Variants in GXYLT2 observed in about 807,000 individuals in gnomAD.
The protein encoded by GXYLT2 is glucoside xylosyltransferase 2, also known as glycosyltransferase 8 domain containing 4.
GXYLT2 carries 53 observed loss-of-function variants against 45.8 expected under a neutral mutation model. That is an observed-to-expected ratio of 1.16 (90% CI 0.93 to 1.46). GXYLT2 has a LOEUF of 1.46. Among genes scored for constraint, GXYLT2 ranks in the 40% most tolerant of loss-of-function variants. GXYLT2 has a pLI of 0.00. For missense variants in GXYLT2, 551 were observed against 544.4 expected (o/e 1.01, Z -0.12); for synonymous variants, 219 against 214.2 (o/e 1.02, Z -0.19).
At chr3:72,893,387 T>C (rs1001274524) in intron 1 of GXYLT2, among the ~76,000 whole-genome samples, 6 of 152,240 alleles carry the variant, frequency 3.9e-5, no homozygotes, top group African/African-American at 7.2e-5. Context: ...TCCATTTTTT[T>C]CAGGACTATG....
chr3:72,917,915 T>G (rs1709769144), intron 2 of GXYLT2, among the ~76,000 whole-genome samples: 1 of 152,208 alleles, frequency 6.6e-6, no homozygotes. Context: ...TCCATTCCTT[T>G]TCTTTTCATA....
chr3:72,888,268 TGCTC>T lies in GXYLT2; in HGVS notation c.38_41del (p.Leu13ArgfsTer136). The T allele has an allele frequency of 1.0e-6, 1 of 994,892 alleles. No homozygotes were observed. Among genetic ancestry groups the T allele is most frequent in the Non-Finnish European group, 1.2e-6 (1 of 838,890 alleles). 61.6% of individuals were successfully genotyped at this position (994,892 alleles called of 1,614,324 possible). ...CGCAGCAAGGCGGCGGCGCTGCTCT[TGCTC>T]GCGCTGGCCGCGCTGCTGCTGGCGC... On this transcript the variant is annotated frameshift_variant, in exon 1 of 7. Transcript: ENST00000389617. LOFTEE classifies it high-confidence loss of function.
intron 2 of GXYLT2, among the ~76,000 whole-genome samples, chr3:72,915,354 T>TTTTTTTG (rs71126805): frequency 3.0e-5 from 1 of 33,482 alleles, no homozygotes; most frequent in Non-Finnish European, 5.1e-5. Flanking sequence ...TTTTTTTTTT[T>TTTTTTTG]GCGGGGGGGG....
intron 1 of GXYLT2, among the ~76,000 whole-genome samples, chr3:72,894,649 C>G (rs1294171123): frequency 3.9e-5 from 6 of 152,256 alleles, no homozygotes; most frequent in African/African-American, 1.4e-4. Context: ...GTCAGTCTTA[C>G]ATTCAGTGAG....
intron 3 of GXYLT2, among the ~76,000 whole-genome samples, chr3:72,951,367 G>A (rs950246891): frequency 6.6e-6 from 1 of 152,220 alleles, no homozygotes; most frequent in Non-Finnish European, 1.5e-5. Flanking sequence ...AGTGCTGTGA[G>A]CATTGATGCG....
intron 5 of GXYLT2, among the ~76,000 whole-genome samples, chr3:72,957,831 G>T (rs1268473383): frequency 6.6e-6 from 1 of 152,104 alleles, no homozygotes; most frequent in Non-Finnish European, 1.5e-5. Flanking sequence ...TGAGGCAAAA[G>T]AAATTCTTCT....
chr3:72,960,327 G>A lies in GXYLT2; in HGVS notation c.976+2975G>A, dbSNP rs558449117. ...TTGAGGAATCCAAAAGATTCACACA[G>A]TTGCCTCCCCAGTTCCTCTTAGCCT... On this transcript the variant is annotated intron_variant, in intron 5 of 6. Coordinates refer to ENST00000389617, the MANE Select transcript of GXYLT2 (RefSeq NM_001080393.2). Among the ~76,000 whole-genome samples the A allele has an allele frequency of 2.9e-4, 44 of 152,310 alleles. No individual in the cohort carries two copies. The South Asian group carries it at 7.3e-3, about 25-fold the overall frequency.
intron 2 of GXYLT2, among the ~76,000 whole-genome samples, chr3:72,915,354 T>TTGTG (rs71126805): frequency 3.0e-5 from 1 of 33,482 alleles, no homozygotes; most frequent in Non-Finnish European, 5.1e-5. Context: ...TTTTTTTTTT[T>TTGTG]GCGGGGGGGG....
intron 2 of GXYLT2, among the ~76,000 whole-genome samples, chr3:72,908,764 G>T (rs1249191817): frequency 6.6e-6 from 1 of 152,140 alleles, no homozygotes; most frequent in Non-Finnish European, 1.5e-5. Flanking sequence ...TGAGACGAGG[G>T]TCTCACTCTA....
At chr3:72,954,948 G>T in intron 3 of GXYLT2, 150 bp from the exon 4 acceptor site, 2 of 705,458 alleles carry the variant, frequency 2.8e-6, no homozygotes, top group South Asian at 3.9e-5. Flanking sequence ...AGGAATGGAA[G>T]CTAAGAGTGG....
chr3:72,914,097 G>A (rs1709685110), intron 2 of GXYLT2, among the ~76,000 whole-genome samples: 1 of 151,982 alleles, frequency 6.6e-6, no homozygotes, highest in Admixed American at 6.6e-5. Context: ...ATAACTTCTG[G>A]GAAGCTCAGG....
Position 72,955,229 on chromosome 3 carries a change from C to T in GXYLT2, c.732C>T (p.His244=), listed in dbSNP as rs372388479. 2.7e-5 allele frequency: 43 copies of T among 1,613,898 alleles called. No individual in the cohort carries two copies. In the African/African-American group the frequency reaches 3.5e-4, roughly 13 times the overall value. ...STQLAAMAPE[H]EIPKIGWYSR... is the part of the protein sequence containing the mutation. The stretch of plus-strand genomic sequence containing the variant: ...AGCTTGCAGCCATGGCCCCTGAGCA[C>T]GAAATCCCCAAGATTGGCTGGTACA... Residue 244 remains histidine (H), a synonymous_variant, in exon 4 of 7, where the codon CAC becomes CAT. Coordinates refer to ENST00000389617, the MANE Select transcript of GXYLT2 (RefSeq NM_001080393.2).
chr3:72,971,738 C>T (rs557937453), intron 6 of GXYLT2, among the ~76,000 whole-genome samples: 198 of 152,120 alleles, frequency 1.3e-3, no homozygotes, highest in Admixed American at 2.2e-3. Context: ...CACTTGAGGT[C>T]GGGAGTTCGA....
At chr3:72,942,552 T>C (rs947088008) in intron 3 of GXYLT2, among the ~76,000 whole-genome samples, 6 of 152,172 alleles carry the variant, frequency 3.9e-5, no homozygotes, top group African/African-American at 1.4e-4. Context: ...GTGGAGAATA[T>C]TGTCAGACTC....
chr3:72,937,388 T>G (rs904567366), intron 3 of GXYLT2, among the ~76,000 whole-genome samples: 10 of 152,206 alleles, frequency 6.6e-5, no homozygotes, highest in African/African-American at 2.4e-4. Flanking sequence ...AAAATATGTC[T>G]TCAGGACATA....
chr3:72,891,791 C>T (rs900933277), intron 1 of GXYLT2, among the ~76,000 whole-genome samples: 1 of 152,014 alleles, frequency 6.6e-6, no homozygotes, highest in Admixed American at 6.6e-5. Context: ...TAAACAGTAC[C>T]TTTGTTAGTA....
At chr3:72,896,973 CAT>C (rs1308888455) in intron 1 of GXYLT2, among the ~76,000 whole-genome samples, 1 of 152,038 alleles carries the variant, frequency 6.6e-6, no homozygotes, top group Non-Finnish European at 1.5e-5. Context: ...ATGGATATAA[CAT>C]ATTTAGAGAA....
At position 72,976,463 on chromosome 3, in the gene GXYLT2, CA is replaced by C. The variant is rs1711105263; in HGVS notation, c.*1307del. The stretch of plus-strand genomic sequence containing the variant: ...AACTTCAAATTTAATGTGTAAAAAA[CA>C]AATAGTTCAGCTGCTTCTATTGGTA... On this transcript the variant is annotated 3_prime_UTR_variant, in exon 7 of 7. Transcript: ENST00000389617. 2.0e-5 allele frequency: 3 copies of C among 152,150 alleles called. 1 individual carries two copies. The highest frequency in any genetic ancestry group is 1.3e-4 in the Admixed American group (2 of 15,274). 9.4% of individuals were successfully genotyped at this position (152,150 alleles called of 1,614,324 possible).
intron 2 of GXYLT2, among the ~76,000 whole-genome samples, chr3:72,919,571 A>G (rs900430754): frequency 1.3e-5 from 2 of 152,246 alleles, no homozygotes; most frequent in Non-Finnish European, 2.9e-5. Context: ...CCTGACCAAC[A>G]TGGTGAAACC....
Sources: allele counts gnomAD v4.1 joint callset (sites outside exome capture counted in the v4.1 genomes callset), GRCh38; gene constraint gnomAD v4.1.1; transcripts MANE v1.5; gene names NCBI Gene and HGNC (gene_info 2026-07-23, HGNC 2026-07-21).